KLHL1: variants seen among roughly 807,000 people sequenced by gnomAD.
KLHL1 encodes the protein kelch-like protein 1.
In KLHL1, 47 loss-of-function variants were observed where a neutral mutation model predicts 77.7. The ratio of observed to expected loss-of-function variants is 0.60; its 90% confidence interval spans 0.48 to 0.77. KLHL1 has a LOEUF of 0.77. Ranked by LOEUF, KLHL1 falls within the 30% of genes least tolerant of loss-of-function variation. The probability of loss-of-function intolerance (pLI) is 0.00; values close to 1 mark genes in which losing one functional copy is unlikely to be tolerated. For missense variants in KLHL1, 925 were observed against 910.8 expected, an observed-to-expected ratio of 1.02 and a Z score of -0.20; for synonymous variants, 360 against 325.2, an observed-to-expected ratio of 1.11 and a Z score of -1.15.
chr13:69,780,697 T>C lies in KLHL1; in HGVS notation c.1639+16041A>G, dbSNP rs1447855360. On this transcript the variant is annotated intron_variant, in intron 7 of 10. Transcript: ENST00000377844. ...AATTCTCTTTCTTCATATATATATA[T>C]ATATGTATATATATATATGTATATA... 6.1e-4 allele frequency among the ~76,000 whole-genome samples: 10 copies of C among 16,512 alleles called. 1 individual carries two copies. The highest frequency in any genetic ancestry group is 1.2e-3 in the Admixed American group (2 of 1,672). 10.8% of individuals were successfully genotyped at this position (16,512 alleles called of 152,430 possible). A position where few individuals can be genotyped will look rare whatever the true frequency, so the allele number is the denominator to read the frequency against.
intron 1 of KLHL1, among the ~76,000 whole-genome samples, chr13:70,076,878 T>C (rs1367585969): frequency 1.3e-5 from 2 of 151,934 alleles, no homozygotes; most frequent in Non-Finnish European, 2.9e-5. Flanking sequence ...GAAAATAGAT[T>C]CAATATTATG....
chr13:69,838,262 T>G (rs1372198994), intron 6 of KLHL1, among the ~76,000 whole-genome samples: 1 of 151,750 alleles, frequency 6.6e-6, no homozygotes, highest in Non-Finnish European at 1.5e-5. Flanking sequence ...TTTAAATAAA[T>G]ACTTGAAATA....
intron 5 of KLHL1, among the ~76,000 whole-genome samples, chr13:69,860,600 AGTTTT>A (rs1046032926): frequency 6.6e-6 from 1 of 151,942 alleles, no homozygotes; most frequent in African/African-American, 2.4e-5. Context: ...CAGTTTCATT[AGTTTT>A]AATTCCTTTA....
intron 4 of KLHL1, among the ~76,000 whole-genome samples, chr13:69,929,584 T>A (rs1158609300): frequency 6.6e-6 from 1 of 151,826 alleles, no homozygotes; most frequent in Non-Finnish European, 1.5e-5. Context: ...TTCCTTTAAT[T>A]TTGGTGGTGC....
chr13:69,980,445 C>T (rs909656313), intron 1 of KLHL1, among the ~76,000 whole-genome samples: 2 of 152,098 alleles, frequency 1.3e-5, no homozygotes, highest in East Asian at 1.9e-4. Context: ...TGATCTGATG[C>T]TTTCTACAAT....
At chr13:69,738,254 A>G (rs1441125764) in intron 8 of KLHL1, among the ~76,000 whole-genome samples, 1 of 152,180 alleles carries the variant, frequency 6.6e-6, no homozygotes, top group Non-Finnish European at 1.5e-5. Context: ...AGCAGCTTCA[A>G]AAATCAAAGG....
At chr13:70,011,530 G>A (rs1279143711) in intron 1 of KLHL1, among the ~76,000 whole-genome samples, 1 of 152,112 alleles carries the variant, frequency 6.6e-6, no homozygotes, top group African/African-American at 2.4e-5. Context: ...AGAATAAATG[G>A]AAATTAGAAG....
intron 7 of KLHL1, among the ~76,000 whole-genome samples, chr13:69,786,324 C>T (rs1440373376): frequency 7.2e-5 from 11 of 152,274 alleles, no homozygotes; most frequent in African/African-American, 2.6e-4. Flanking sequence ...AAGTGGGCTT[C>T]ATCCCTGGGA....
chr13:69,959,524 C>G (rs1490618956), intron 3 of KLHL1, among the ~76,000 whole-genome samples: 1 of 150,576 alleles, frequency 6.6e-6, no homozygotes, highest in African/African-American at 2.4e-5. Context: ...CTTCCTGACT[C>G]TATGCTCACC....
Position 69,844,764 on chromosome 13 carries a change from T to TTTA in KLHL1, c.1228-5603_1228-5602insTAA, listed in dbSNP as rs527260176. On this transcript the variant is annotated intron_variant, in intron 5 of 10. Transcript: ENST00000377844. ...AGCAATAAGGTTTTTCTTCTGGGTT[T>TTTA]TTTATTTATTTATTTATTTATTAAG... Among the ~76,000 whole-genome samples, 1,406 of 150,958 alleles carry TTTA rather than the reference T, an allele frequency of 9.3e-3. 10 individuals carry two copies. The highest frequency in any genetic ancestry group is 0.048 in the Middle Eastern group (14 of 294).
Position 69,827,949 on chromosome 13 carries a change from G to A in KLHL1, c.1414+11027C>T, listed in dbSNP as rs561311418. On this transcript the variant is annotated intron_variant, in intron 6 of 10. Transcript: ENST00000377844. ...TCTCAAGATAAGTTTGTTGTTGGAAGTAAATAAAATTTTGTATATGGTGGT... is the reference window on the plus strand; with the variant it reads ...TCTCAAGATAAGTTTGTTGTTGGAAATAAATAAAATTTTGTATATGGTGGT... 3.3e-4 allele frequency among the ~76,000 whole-genome samples: 47 copies of A among 143,428 alleles called. 1 individual carries two copies. Among genetic ancestry groups the A allele is most frequent in the Non-Finnish European group, 9.1e-5 (6 of 65,736 alleles). The allele number at this position is 143,428 out of a possible 152,430, so 94.1% of individuals were successfully genotyped here.
At chr13:69,840,386 A>G (rs1879199174) in intron 5 of KLHL1, among the ~76,000 whole-genome samples, 1 of 151,610 alleles carries the variant, frequency 6.6e-6, no homozygotes, top group African/African-American at 2.4e-5. Context: ...ACCATGCCCA[A>G]CTTATTTTTG....
Position 69,945,102 on chromosome 13 carries a change from C to T in KLHL1, c.818-4866G>A, listed in dbSNP as rs1883481398. Among the ~76,000 whole-genome samples, 4 of 149,090 alleles carry T rather than the reference C, an allele frequency of 2.7e-5. No homozygotes were observed. The Admixed American group carries it at 2.7e-4, about 10-fold the overall frequency. On this transcript the variant is annotated intron_variant, in intron 3 of 10. Coordinates refer to ENST00000377844, the MANE Select transcript of KLHL1 (RefSeq NM_020866.3). ...CCGGGTTCAAGTGATTCTCCTGCCTCAGCCTCCCAGGTAGCTGGGATTACA... is the reference window on the plus strand; with the variant it reads ...CCGGGTTCAAGTGATTCTCCTGCCTTAGCCTCCCAGGTAGCTGGGATTACA...
chr13:69,708,960 G>A (rs1875755836), intron 9 of KLHL1, among the ~76,000 whole-genome samples: 2 of 151,812 alleles, frequency 1.3e-5, no homozygotes, highest in Non-Finnish European at 2.9e-5. Flanking sequence ...CCTATACTTT[G>A]CTGAAAATAA....
At chr13:69,893,237 T>C (rs1241662215) in intron 4 of KLHL1, among the ~76,000 whole-genome samples, 1 of 150,636 alleles carries the variant, frequency 6.6e-6, no homozygotes, top group Non-Finnish European at 1.5e-5. Flanking sequence ...TTTTTTTTTT[T>C]TTTTTTTTGA....
At chr13:69,721,983 T>C (rs1188121260) in intron 8 of KLHL1, among the ~76,000 whole-genome samples, 1 of 152,138 alleles carries the variant, frequency 6.6e-6, no homozygotes, top group Non-Finnish European at 1.5e-5. Flanking sequence ...GAACCTCACT[T>C]ACTTCTGTTT....
Position 70,107,747 on chromosome 13 carries a change from C to G in KLHL1, c.-48G>C. 1 of 1,423,416 alleles carries G rather than the reference C, an allele frequency of 7.0e-7. No homozygotes were observed. The highest frequency in any genetic ancestry group is 9.3e-7 in the Non-Finnish European group (1 of 1,073,440). The allele number at this position is 1,423,416 out of a possible 1,614,324, so 88.2% of individuals were successfully genotyped here. On this transcript the variant is annotated 5_prime_UTR_variant, in exon 1 of 11. Coordinates refer to ENST00000377844, the MANE Select transcript of KLHL1 (RefSeq NM_020866.3). ...GGCTGGCAGCTCACGCAGGAGTAGG[C>G]TGGTCAGCAGGTGGGGGAGGACAGC...
chr13:69,833,965 C>T (rs1878877200), intron 6 of KLHL1, among the ~76,000 whole-genome samples: 1 of 151,702 alleles, frequency 6.6e-6, no homozygotes, highest in African/African-American at 2.4e-5. Context: ...ACCATTACTC[C>T]CAGTGAAGTA....
chr13:69,818,219 C>CTTTTTTTTT (rs1316398623), intron 6 of KLHL1, among the ~76,000 whole-genome samples: 1,252 of 112,830 alleles, frequency 0.011, 199 homozygotes, highest in African/African-American at 0.048. Context: ...TCATAGGCAT[C>CTTTTTTTTT]TTTTTTTTTT....
Sources: gnomAD v4.1 joint callset for allele counts (sites outside exome capture counted in the v4.1 genomes callset) on GRCh38, gnomAD v4.1.1 for gene constraint, MANE v1.5 for transcripts, NCBI Gene and HGNC (gene_info 2026-07-23, HGNC 2026-07-21) for gene names.